The following SHANK2 variants were observed in gnomAD, a reference collection of about 807,000 sequenced individuals.
The protein encoded by SHANK2 is SH3 and multiple ankyrin repeat domains 2.
In SHANK2, 43 loss-of-function variants were observed where a neutral mutation model predicts 133.7. That is an observed-to-expected ratio of 0.32 (90% confidence interval 0.25 to 0.41). SHANK2 has a LOEUF of 0.41. SHANK2 is among the 10% of genes least tolerant of loss of function. The pLI is 1.00. For missense variants in SHANK2, 1,994 were observed against 2,235.8 expected (o/e 0.89, Z 2.18); for synonymous variants, 1,017 against 952.8 (o/e 1.07, Z -1.24).
At chr11:70,934,110 T>C (rs1244112004) in intron 10 of SHANK2, among the ~76,000 whole-genome samples, 1 of 151,706 alleles carries the variant, frequency 6.6e-6, no homozygotes, top group Non-Finnish European at 1.5e-5. Flanking sequence ...CACATGCCTG[T>C]AGTCCCAGCC....
intron 21 of SHANK2, among the ~76,000 whole-genome samples, chr11:70,499,669 G>A (rs2059022414): frequency 6.6e-6 from 1 of 152,196 alleles, no homozygotes; most frequent in African/African-American, 2.4e-5. Context: ...TCTGTACCCC[G>A]GGTGTCCACC....
intron 15 of SHANK2, among the ~76,000 whole-genome samples, chr11:70,681,790 A>G (rs1052104184): frequency 6.6e-6 from 1 of 152,130 alleles, no homozygotes; most frequent in Non-Finnish European, 1.5e-5. Flanking sequence ...CAGGCTCCAC[A>G]GAGAAACCCC....
At chr11:71,117,318 C>T (rs1205441396) in intron 4 of SHANK2, among the ~76,000 whole-genome samples, 1 of 152,216 alleles carries the variant, frequency 6.6e-6, no homozygotes, top group Admixed American at 6.5e-5. Context: ...CCTCACCCAG[C>T]CAGTTATTTC....
intron 9 of SHANK2, among the ~76,000 whole-genome samples, chr11:71,063,571 T>A (rs1951013063): frequency 6.6e-6 from 1 of 152,166 alleles, no homozygotes; most frequent in Admixed American, 6.5e-5. Flanking sequence ...TGTGAAAAAC[T>A]GCAACAACTT....
chr11:71,245,428 T>G (rs1215758617), intron 1 of SHANK2, among the ~76,000 whole-genome samples: 1 of 152,264 alleles, frequency 6.6e-6, no homozygotes, highest in Non-Finnish European at 1.5e-5. Flanking sequence ...AATAGATTCG[T>G]GCTCATACAT....
At chr11:70,611,947 C>T in intron 17 of SHANK2, among the ~76,000 whole-genome samples, 1 of 88,526 alleles carries the variant, frequency 1.1e-5, no homozygotes, top group African/African-American at 4.7e-5. Context: ...AATTTACTTG[C>T]CATGGGAGGT....
chr11:71,171,808 G>C (rs920412164), intron 2 of SHANK2, among the ~76,000 whole-genome samples: 3 of 152,162 alleles, frequency 2.0e-5, no homozygotes, highest in African/African-American at 7.2e-5. Flanking sequence ...TAATCCCATC[G>C]GATTAATCAG....
chr11:71,127,532 G>C (rs1345923947), intron 3 of SHANK2, among the ~76,000 whole-genome samples: 2 of 152,182 alleles, frequency 1.3e-5, no homozygotes, highest in South Asian at 4.1e-4. Context: ...CCACCACTCT[G>C]ATCAGTTGGC....
rs1555154169 is a variant in SHANK2, at chr11:70,487,094, G to A, written c.3199C>T (p.Arg1067Trp). The A allele has an allele frequency of 2.5e-6, 4 of 1,610,646 alleles. No individual in the cohort carries two copies. The highest frequency in any genetic ancestry group is 2.2e-5 in the East Asian group (1 of 44,860). The change falls in exon 25 of 26, where the codon CGG becomes TGG. Residue 1067 changes from arginine to tryptophan, a missense_variant. By Grantham distance (101) the Arg-to-Trp change is moderately radical. This residue lies in a region of SHANK2 where 488 missense variants were observed against 642.6 expected (regional missense o/e 0.76). Coordinates refer to ENST00000601538, the MANE Select transcript of SHANK2 (RefSeq NM_012309.5). This position sits in a 1 kb window ranked among gnomAD's most constrained non-coding sequence, Gnocchi z 5.8. Reference sequence around the variant, plus strand: ...CTGACGGTCAGGCTTTCGTCAGGCCGCAGCTGGCTCGGTGGCTCCGGGGCC... The same window carrying A: ...CTGACGGTCAGGCTTTCGTCAGGCCACAGCTGGCTCGGTGGCTCCGGGGCC... ...PQAPEPPSQL[R>W]PDESLTVSSP... is the part of the protein sequence containing the mutation.
intron 17 of SHANK2, among the ~76,000 whole-genome samples, chr11:70,640,891 G>T (rs116081551): frequency 1.2e-3 from 188 of 152,212 alleles, no homozygotes; most frequent in African/African-American, 4.3e-3. Flanking sequence ...ATGAGTGCAG[G>T]CAATGAGCGT....
chr11:70,507,751 G>A (rs1229641925), intron 17 of SHANK2, among the ~76,000 whole-genome samples: 9 of 152,202 alleles, frequency 5.9e-5, no homozygotes, highest in African/African-American at 2.2e-4. Context: ...CCCGAATCTT[G>A]CACTTAATAT....
chr11:70,625,372 C>T (rs966619190), intron 17 of SHANK2, among the ~76,000 whole-genome samples: 11 of 152,146 alleles, frequency 7.2e-5, no homozygotes, highest in Non-Finnish European at 1.3e-4. Context: ...TAGGGCTAAT[C>T]CTTCTGGTCT....
chr11:71,130,328 C>T (rs1952275972), intron 3 of SHANK2, among the ~76,000 whole-genome samples: 1 of 152,146 alleles, frequency 6.6e-6, no homozygotes. Flanking sequence ...AGCAGCAAAC[C>T]AGCGCCGAAA....
rs184659406 is a variant in SHANK2, at chr11:70,620,514, G to A, written c.2061+39314C>T. Among the ~76,000 whole-genome samples the A allele has an allele frequency of 2.0e-3, 305 of 152,154 alleles. 1 individual carries two copies. The highest frequency in any genetic ancestry group is 7.1e-3 in the African/African-American group (295 of 41,496). On this transcript the variant is annotated intron_variant, in intron 17 of 25. Coordinates refer to ENST00000601538, the MANE Select transcript of SHANK2 (RefSeq NM_012309.5). ...TGTGGGCCTGGAGGCTGCCTGCCCCGCCTGGTCTCCCCCACCCCCACCATG... is the reference window on the plus strand; with the variant it reads ...TGTGGGCCTGGAGGCTGCCTGCCCCACCTGGTCTCCCCCACCCCCACCATG...
In SHANK2 at chr11:70,469,679, C is replaced by T. The variant is rs1200447197; in HGVS notation, c.*3190G>A. 1 of 152,398 alleles carries T rather than the reference C, an allele frequency of 6.6e-6. No individual in the cohort carries two copies. The highest frequency in any genetic ancestry group is 1.9e-4 in the East Asian group (1 of 5,190). The allele number at this position is 152,398 out of a possible 1,614,324, so 9.4% of individuals were successfully genotyped here. A position where few individuals can be genotyped will look rare whatever the true frequency, so the allele number is the denominator to read the frequency against. On this transcript the variant is annotated 3_prime_UTR_variant, in exon 26 of 26. Transcript: ENST00000601538. ...GTTAATGGGAAAATCAATATTGTGG[C>T]CCACACACAAAAAGTCATTGCCAGA...
chr11:70,878,963 G>A (rs572540013), intron 11 of SHANK2, among the ~76,000 whole-genome samples: 1 of 152,172 alleles, frequency 6.6e-6, no homozygotes, highest in Non-Finnish European at 1.5e-5. Context: ...CTCTCCCCCA[G>A]GGGACATCCT....
chr11:70,684,572 C>A (rs1275757828), intron 15 of SHANK2, among the ~76,000 whole-genome samples: 1 of 152,216 alleles, frequency 6.6e-6, no homozygotes, highest in South Asian at 2.1e-4. Flanking sequence ...AGCCCCCTAC[C>A]CCCACCCCAA....
intron 6 of SHANK2, among the ~76,000 whole-genome samples, chr11:71,102,157 G>A (rs1019098040): frequency 3.3e-4 from 51 of 152,304 alleles, no homozygotes; most frequent in African/African-American, 1.2e-3. Context: ...CAAGTTGCCA[G>A]GTTCGCTTCC....
At chr11:71,099,872 G>A (rs71469417) in intron 6 of SHANK2, among the ~76,000 whole-genome samples, 2,313 of 151,998 alleles carry the variant, frequency 0.015, 34 homozygotes, top group Non-Finnish European at 0.024. Context: ...GGTAACATGA[G>A]GCCTCACCTC....
Sources: allele counts gnomAD v4.1 joint callset (sites outside exome capture counted in the v4.1 genomes callset), GRCh38; gene constraint gnomAD v4.1.1; regional missense constraint gnomAD v4.1.1; non-coding constraint Gnocchi (gnomAD v3.1); transcripts MANE v1.5; gene names NCBI Gene and HGNC (gene_info 2026-07-23, HGNC 2026-07-21).